The following SPTAN1 variants were observed in gnomAD, a reference collection of about 807,000 sequenced individuals.
The protein encoded by SPTAN1 is spectrin alpha chain, non-erythrocytic 1.
SPTAN1 carries 61 observed loss-of-function variants against 331.3 expected under a neutral mutation model. The ratio of observed to expected loss-of-function variants is 0.18; its 90% CI spans 0.15 to 0.23. SPTAN1 has a LOEUF of 0.23. Ranked by LOEUF, SPTAN1 falls within the 10% of genes least tolerant of loss-of-function variation. The pLI is 1.00. For synonymous variants in SPTAN1, 1,153 were observed against 1,173.9 expected (o/e 0.98, Z 0.36); for missense variants, 2,043 against 3,147.9 (o/e 0.65, Z 8.40).
intron 40 of SPTAN1, among the ~76,000 whole-genome samples, chr9:128,614,568 C>T (rs766608970): frequency 2.5e-4 from 37 of 147,804 alleles, no homozygotes; most frequent in East Asian, 2.0e-4. Flanking sequence ...CCAGCCTGGG[C>T]GACAGAATGA....
chr9:128,585,640 A>C, intron 18 of SPTAN1, 108 bp from the exon 19 acceptor site: 2 of 944,170 alleles, frequency 2.1e-6, no homozygotes, highest in Non-Finnish European at 3.4e-6. Context: ...ACAGCTCACC[A>C]AAACATAGTA....
At chr9:128,588,756 T>A (rs1853021417) in intron 20 of SPTAN1, 53 bp from the exon 21 acceptor site, 1 of 1,610,380 alleles carries the variant, frequency 6.2e-7, no homozygotes. Context: ...TGTACTTAGA[T>A]GACTCAGCGC....
At chr9:128,558,600 GT>G (rs1191178263) in intron 1 of SPTAN1, among the ~76,000 whole-genome samples, 2 of 152,150 alleles carry the variant, frequency 1.3e-5, no homozygotes, top group Non-Finnish European at 2.9e-5. Context: ...ATTGGAGTTT[GT>G]TTTTTAATGG....
chr9:128,584,577 G>T (rs748818790), intron 17 of SPTAN1, 52 bp downstream of exon 17: 1 of 1,613,912 alleles, frequency 6.2e-7, no homozygotes, highest in East Asian at 2.2e-5. Context: ...CTGTGCTATT[G>T]TAGCATAAAG....
At chr9:128,623,321 C>G (rs183701883) in intron 45 of SPTAN1, among the ~76,000 whole-genome samples, 2 of 151,724 alleles carry the variant, frequency 1.3e-5, no homozygotes, top group Admixed American at 6.6e-5. Context: ...GTGATTCTCT[C>G]GCCTTGTGCT....
chr9:128,631,845 C>G (rs1253055584), intron 52 of SPTAN1: 6 of 457,600 alleles, frequency 1.3e-5, no homozygotes, highest in Non-Finnish European at 2.4e-5. Flanking sequence ...TCTTTGGCCA[C>G]TGCTTCCTGG....
intron 24 of SPTAN1, among the ~76,000 whole-genome samples, chr9:128,597,035 C>T (rs1350281226): frequency 6.6e-6 from 1 of 152,180 alleles, no homozygotes; most frequent in Non-Finnish European, 1.5e-5. Flanking sequence ...TAGCGCCTGC[C>T]TGTAGACCCA....
chr9:128,581,777 G>C lies in SPTAN1; in HGVS notation c.1462-5G>C, dbSNP rs1490035257. 6.2e-7 allele frequency: 1 copy of C among 1,610,044 alleles called. No homozygotes were observed. ...TATTCTGAACACTTTGTTTCCTTTG[G>C]CAAGGCGTTCCTGTTGAATGAAGAC... On this transcript the variant is annotated splice_polypyrimidine_tract_variant and splice_region_variant and intron_variant, in intron 11 of 56. Transcript: ENST00000372739.
At chr9:128,582,874 G>T in intron 14 of SPTAN1, 25 bp downstream of exon 14, 1 of 1,610,804 alleles carries the variant, frequency 6.2e-7, no homozygotes. Flanking sequence ...GTGTTGCCAT[G>T]TAGCACTCGA....
chr9:128,561,811 C>T (rs949479781), intron 1 of SPTAN1, among the ~76,000 whole-genome samples: 4 of 151,960 alleles, frequency 2.6e-5, no homozygotes, highest in African/African-American at 9.7e-5. Context: ...AATTACCTGT[C>T]TCCCAACTAC....
chr9:128,568,634 G>A, intron 2 of SPTAN1, 138 bp from the exon 3 acceptor site: 1 of 1,204,344 alleles, frequency 8.3e-7, no homozygotes, highest in Non-Finnish European at 1.2e-6. Flanking sequence ...GCAGGTAAGA[G>A]AATGGGCAAG....
rs181982235 is a variant in SPTAN1 at position 128,592,182 on chromosome 9, T to G, written c.3155+557T>G. 5.0e-3 allele frequency among the ~76,000 whole-genome samples: 765 copies of G among 152,324 alleles called. 9 individuals are homozygous for G. Among genetic ancestry groups the G allele is most frequent in the African/African-American group, 0.017 (719 of 41,568 alleles). On this transcript the variant is annotated intron_variant, in intron 22 of 56. Transcript: ENST00000372739. ...AGTTTGGGTAGAATAGTGAAATTTT[T>G]GGGCTCCAGTGATCCTCAGTAAGAT...
intron 23 of SPTAN1, chr9:128,593,926 G>A: frequency 1.4e-5 from 7 of 516,298 alleles, no homozygotes; most frequent in South Asian, 1.1e-4. Context: ...AATCGGCCTG[G>A]GGATAAGTGT....
chr9:128,556,663 C>CA (rs922778644), intron 1 of SPTAN1, among the ~76,000 whole-genome samples: 1 of 152,226 alleles, frequency 6.6e-6, no homozygotes, highest in African/African-American at 2.4e-5. Flanking sequence ...CTCACCTCTG[C>CA]AAAATTGCGC....
chr9:128,608,376 C>T (rs1200353792), intron 34 of SPTAN1, 100 bp downstream of exon 34: 3 of 1,440,888 alleles, frequency 2.1e-6, no homozygotes, highest in Non-Finnish European at 1.9e-6. Context: ...GGAATACCTG[C>T]GTTGTCTAAG....
intron 1 of SPTAN1, among the ~76,000 whole-genome samples, chr9:128,553,796 A>G (rs549578399): frequency 2.0e-5 from 3 of 152,228 alleles, no homozygotes; most frequent in South Asian, 4.2e-4. Flanking sequence ...ACTTACCATC[A>G]TGGCTGTTCG....
rs1282681594 is a variant in SPTAN1, at chr9:128,618,006, A to G, written c.5498A>G (p.Lys1833Arg). 6.2e-6 allele frequency: 10 copies of G among 1,614,016 alleles called. No individual in the cohort carries two copies. The highest frequency in any genetic ancestry group is 7.6e-6 in the Non-Finnish European group (9 of 1,180,018). The change falls in exon 43 of 57, where the codon AAG becomes AGG. Residue 1833 changes from lysine to arginine, a missense_variant. Physicochemically the swap from Lys to Arg is conservative, Grantham distance 26 (BLOSUM62 2). Around this residue, in one of 12 missense-constraint regions of SPTAN1, gnomAD observed 323 missense variants for 581.1 expected, o/e 0.56. Transcript: ENST00000372739. The part of the protein sequence containing the change: ...PAIQGVLDTG[K>R]KLSDDNTIGK... The stretch of plus-strand genomic sequence containing the variant: ...TGTCAGGGTGTCCTGGACACTGGCA[A>G]GAAGCTGTCCGATGACAACACCATC...
At chr9:128,615,913 T>C in intron 41 of SPTAN1, 73 bp downstream of exon 41, 1 of 1,531,760 alleles carries the variant, frequency 6.5e-7, no homozygotes. Context: ...AGGCTGACTG[T>C]TGAGTGGTGA....
Position 128,591,539 on chromosome 9 carries a change from A to G in SPTAN1, c.3069A>G (p.Lys1023=). 1 of 1,614,192 alleles carries G rather than the reference A, an allele frequency of 6.2e-7. No homozygotes were observed. The highest frequency in any genetic ancestry group is 8.5e-7 in the Non-Finnish European group (1 of 1,180,034). The change falls in exon 22 of 57, where the codon AAA becomes AAG. Residue 1023 remains lysine (K), a synonymous_variant. Coordinates refer to ENST00000372739, the MANE Select transcript of SPTAN1 (RefSeq NM_001130438.3). The part of the protein sequence containing the change: ...QGFVPAAYVK[K]LDPAQSASRE... ...TTGTGCCGGCTGCGTACGTGAAGAA[A>G]TTGGACCCCGCCCAGTCAGCCTCCC...
Sources: allele counts gnomAD v4.1 joint callset (sites outside exome capture counted in the v4.1 genomes callset), GRCh38; gene constraint gnomAD v4.1.1; regional missense constraint gnomAD v4.1.1; transcripts MANE v1.5; gene names NCBI Gene and HGNC (gene_info 2026-07-23, HGNC 2026-07-21).